Variants in ALDH1L1 observed in about 807,000 individuals in gnomAD.
The protein encoded by ALDH1L1 is cytosolic 10-formyltetrahydrofolate dehydrogenase.
A neutral mutation model predicts 101.1 loss-of-function variants in ALDH1L1; 68 were observed. That is an observed-to-expected ratio of 0.67 (90% CI 0.55 to 0.82). ALDH1L1 has a LOEUF of 0.82. Among genes scored for constraint, ALDH1L1 ranks in the 40% least tolerant of loss-of-function variants. ALDH1L1 has a pLI of 0.00. For synonymous variants in ALDH1L1, 486 were observed against 470.8 expected, an observed-to-expected ratio of 1.03 and a Z score of -0.42; for missense variants, 1,087 against 1,172.7, an observed-to-expected ratio of 0.93 and a Z score of 1.07.
upstream of ALDH1L1, among the ~76,000 whole-genome samples, chr3:126,186,116 C>T (rs982808552): frequency 1.6e-4 from 24 of 152,030 alleles, no homozygotes; most frequent in South Asian, 4.1e-4. Flanking sequence ...GATGGTTGCA[C>T]GACAGTGTGA....
chr3:126,178,068 T>A (rs2081396264), intron 1 of ALDH1L1, among the ~76,000 whole-genome samples: 1 of 145,042 alleles, frequency 6.9e-6, no homozygotes, highest in Non-Finnish European at 1.5e-5. Context: ...AACAAAAATA[T>A]CCTATCAATG....
At chr3:126,123,596 T>C (rs6804272) in intron 16 of ALDH1L1, among the ~76,000 whole-genome samples, 86,869 of 144,328 alleles carry the variant, frequency 0.6, 25,899 homozygotes, top group African/African-American at 0.68. Flanking sequence ...TTATTTGAAC[T>C]AGAAAAAAAC....
chr3:126,137,922 T>C lies in ALDH1L1; in HGVS notation c.1115A>G (p.Glu372Gly), dbSNP rs2080483868. 1 of 1,613,926 alleles carries C rather than the reference T, an allele frequency of 6.2e-7. No individual in the cohort carries two copies. The highest frequency in any genetic ancestry group is 1.3e-5 in the African/African-American group (1 of 74,880). Residue 372 changes from glutamate to glycine, a missense_variant, in exon 10 of 23, where the codon GAG becomes GGG. Glu to Gly is a moderately conservative substitution (Grantham distance 98). This residue lies in a region of ALDH1L1 where 645 missense variants were observed against 637.0 expected (regional missense o/e 1.01). Transcript: ENST00000393434. ...EEVKELCDGL[E>G]LENEDVYMAS... ...CATGTACACATCTTCATTTTCTAAC[T>C]CCAGGCCATCACACAGCTCCTTCAC... is the stretch of plus-strand genomic sequence containing the variant.
Position 126,109,829 on chromosome 3 carries a change from T to A in ALDH1L1, c.2347+115A>T. The A allele has an allele frequency of 2.1e-6, 3 of 1,448,492 alleles. 1 individual carries two copies. The South Asian group carries it at 4.0e-5, about 19-fold the overall frequency. 89.7% of individuals were successfully genotyped at this position (1,448,492 alleles called of 1,614,324 possible). ...CCAGGTCCCAGATGGGGCTGCAGCC[T>A]GACTGTGTAGGTACCTGGCCTTCAG... On this transcript the variant is annotated intron_variant, in intron 20 of 22. Coordinates refer to ENST00000393434, the MANE Select transcript of ALDH1L1 (RefSeq NM_012190.4).
rs368142788 is a variant in ALDH1L1 at position 126,158,588 on chromosome 3, C to T, written c.179G>A (p.Arg60His). The T allele has an allele frequency of 1.2e-4, 192 of 1,614,036 alleles. No homozygotes were observed. The highest frequency in any genetic ancestry group is 1.5e-4 in the Non-Finnish European group (175 of 1,179,988). ...GVPVFKYSRW[R>H]AKGQALPDVV... ...ATCAGGCAAAGCCTGTCCTTTTGCACGCCACCGGGAGTACTTGAATACCGG... is the reference window on the plus strand; with the variant it reads ...ATCAGGCAAAGCCTGTCCTTTTGCATGCCACCGGGAGTACTTGAATACCGG... Residue 60 changes from arginine to histidine, a missense_variant, in exon 3 of 23, where the codon CGT becomes CAT. Arg to His is a conservative substitution (Grantham distance 29, BLOSUM62 0). This residue lies in a region of ALDH1L1 where 645 missense variants were observed against 637.0 expected (regional missense o/e 1.01). Transcript: ENST00000393434.
rs1465606163 is a variant in ALDH1L1 at position 126,158,481 on chromosome 3, T to C, written c.286A>G (p.Ser96Gly). Residue 96 changes from serine (S) to glycine (G), a missense_variant, in exon 3 of 23, where the codon AGT becomes GGT. Ser to Gly is a moderately conservative substitution (Grantham distance 56, BLOSUM62 0). This residue lies in a region of ALDH1L1 where 645 missense variants were observed against 637.0 expected (regional missense o/e 1.01). Transcript: ENST00000393434. The part of the protein sequence containing the change: ...CSQFIPMEII[S>G]APRHGSIIYH... The stretch of plus-strand genomic sequence containing the variant: ...ATGATGGAGCCATGCCGGGGGGCAC[T>C]GATTATCTCCATGGGGATGAATTGG... 5.0e-6 allele frequency: 8 copies of C among 1,614,092 alleles called. No homozygotes were observed. The highest frequency in any genetic ancestry group is 6.8e-6 in the Non-Finnish European group (8 of 1,179,984).
chr3:126,158,072 C>T (rs1239381340), intron 3 of ALDH1L1, among the ~76,000 whole-genome samples: 1 of 152,062 alleles, frequency 6.6e-6, no homozygotes, highest in Non-Finnish European at 1.5e-5. Flanking sequence ...GCACCCTGGC[C>T]CCTGCGCCTC....
At position 126,119,058 on chromosome 3, in the gene ALDH1L1, G is replaced by T. The variant is rs539482837; in HGVS notation, c.1889-960C>A. On this transcript the variant is annotated intron_variant, in intron 16 of 22. Transcript: ENST00000393434. The stretch of plus-strand genomic sequence containing the variant: ...TTCTGACTCTGCACCCTCCTAATTC[G>T]ACTCTTACTTCTCTGACGGCTCTTT... Among the ~76,000 whole-genome samples the T allele has an allele frequency of 3.3e-5, 5 of 152,130 alleles. No individual in the cohort carries two copies. In the East Asian group the frequency reaches 7.7e-4, roughly 23 times the overall value.
intron 14 of ALDH1L1, chr3:126,129,836 T>A (rs942475979): frequency 1.9e-5 from 3 of 155,202 alleles, no homozygotes; most frequent in African/African-American, 7.2e-5. Flanking sequence ...ATGCTTGGCA[T>A]CCAGCGGGGT....
intron 1 of ALDH1L1, 148 bp from the exon 2 acceptor site, chr3:126,161,150 A>T (rs1229722686): frequency 2.4e-6 from 2 of 847,526 alleles, no homozygotes; most frequent in African/African-American, 1.7e-5. Context: ...CTGAGGGGAG[A>T]CTGCCACTGT....
At chr3:126,154,687 T>G in intron 5 of ALDH1L1, 44 bp from the exon 6 acceptor site, 2 of 1,568,480 alleles carry the variant, frequency 1.3e-6, no homozygotes, top group Non-Finnish European at 1.8e-6. Context: ...CTCTCCTCAC[T>G]CCCCTCCCAC....
Position 126,161,627 on chromosome 3 carries a change from T to C in ALDH1L1, c.-23-625A>G, listed in dbSNP as rs116496792. On this transcript the variant is annotated intron_variant, in intron 1 of 22. Coordinates refer to ENST00000393434, the MANE Select transcript of ALDH1L1 (RefSeq NM_012190.4). ...GCTAATCATGCACATTCTCCAAAGATTGGTCATTCATTCACCTCACGCATA... is the reference window on the plus strand; with the variant it reads ...GCTAATCATGCACATTCTCCAAAGACTGGTCATTCATTCACCTCACGCATA... Among the ~76,000 whole-genome samples the C allele has an allele frequency of 7.3e-3, 1,111 of 152,342 alleles. 11 individuals are homozygous for C. The highest frequency in any genetic ancestry group is 0.025 in the African/African-American group (1,050 of 41,578).
chr3:126,134,380 G>T (rs189212693), intron 12 of ALDH1L1, among the ~76,000 whole-genome samples: 2 of 152,328 alleles, frequency 1.3e-5, no homozygotes, highest in African/African-American at 4.8e-5. Flanking sequence ...TTGGTTGTGC[G>T]GTCCACCAAA....
chr3:126,136,236 T>C (rs928459668), intron 11 of ALDH1L1, among the ~76,000 whole-genome samples: 1 of 152,152 alleles, frequency 6.6e-6, no homozygotes, highest in Non-Finnish European at 1.5e-5. Context: ...ATGGACAGGA[T>C]AGAAAAATGT....
chr3:126,113,865 C>T (rs1946157736), intron 18 of ALDH1L1, among the ~76,000 whole-genome samples: 3 of 152,202 alleles, frequency 2.0e-5, no homozygotes, highest in Admixed American at 6.5e-5. Context: ...GTGGCACTTG[C>T]CACTAACCTA....
At chr3:126,115,022 A>G (rs769439039) in intron 17 of ALDH1L1, 24 of 457,798 alleles carry the variant, frequency 5.2e-5, no homozygotes, top group South Asian at 3.6e-4. Flanking sequence ...CTGCATGTTG[A>G]CCTCTGACCC....
chr3:126,107,010 T>C, intron 21 of ALDH1L1, 131 bp downstream of exon 21: 1 of 769,718 alleles, frequency 1.3e-6, no homozygotes, highest in East Asian at 2.6e-5. Context: ...ACAAGCGGGG[T>C]GTCCACGGCT....
At chr3:126,145,371 A>G (rs2080653725) in intron 9 of ALDH1L1, among the ~76,000 whole-genome samples, 1 of 152,250 alleles carries the variant, frequency 6.6e-6, no homozygotes, top group Non-Finnish European at 1.5e-5. Context: ...TTTGTCCAAA[A>G]GAACTGATCT....
Position 126,109,985 on chromosome 3 carries a change from C to T in ALDH1L1, c.2306G>A (p.Gly769Glu), listed in dbSNP as rs767684111. 2.5e-6 allele frequency: 4 copies of T among 1,614,182 alleles called. No individual in the cohort carries two copies. Among genetic ancestry groups the T allele is most frequent in the Non-Finnish European group, 2.5e-6 (3 of 1,180,018 alleles). ...MEYCQHGVKE[G>E]ATLVCGGNQV... is the part of the protein sequence containing the mutation. ...ATTCCCGCCGCAGACCAGTGTGGCC[C>T]CTTCCTTCACGCCATGCTGGCAGTA... is the stretch of plus-strand genomic sequence containing the variant. Residue 769 changes from glycine to glutamate, a missense_variant, in exon 20 of 23, where the codon GGG (glycine) becomes GAG (glutamate). Physicochemically the swap from Gly to Glu is moderately conservative, Grantham distance 98. Transcript: ENST00000393434.
Sources: allele counts gnomAD v4.1 joint callset (sites outside exome capture counted in the v4.1 genomes callset), GRCh38; gene constraint gnomAD v4.1.1; regional missense constraint gnomAD v4.1.1; transcripts MANE v1.5; gene names NCBI Gene and HGNC (gene_info 2026-07-23, HGNC 2026-07-21).